CLDN16: variants seen among roughly 807,000 people sequenced by gnomAD.
CLDN16 encodes the protein claudin 16, also known as claudin-16.
Under a neutral mutation model 24.6 loss-of-function variants are expected in CLDN16, and 13 were observed. That is an observed-to-expected ratio of 0.53 (90% CI 0.34 to 0.84). The LOEUF is 0.84. CLDN16 is among the 40% of genes least tolerant of loss of function. The probability of loss-of-function intolerance (pLI) is 0.01; values close to 1 mark genes in which losing one functional copy is unlikely to be tolerated. For synonymous variants in CLDN16, 116 were observed against 106.7 expected, an observed-to-expected ratio of 1.09 and a Z score of -0.54; for missense variants, 298 against 292.7, an observed-to-expected ratio of 1.02 and a Z score of -0.13.
chr3:190,308,406 C>T, the CLDN16 span: 1 of 1,613,588 alleles, frequency 6.2e-7, no homozygotes, highest in Non-Finnish European at 8.5e-7. Flanking sequence ...AAGCAGCAGC[C>T]CAGCCAGTGA....
At chr3:190,371,410 TAC>T (rs1444442761) in intron 2 of CLDN16, among the ~76,000 whole-genome samples, 1 of 151,854 alleles carries the variant, frequency 6.6e-6, no homozygotes, top group African/African-American at 2.4e-5. Flanking sequence ...TTCCAAACCC[TAC>T]ACTTCGTAGG....
chr3:190,364,397 G>A (rs1717974156), intron 1 of CLDN16, among the ~76,000 whole-genome samples: 1 of 151,904 alleles, frequency 6.6e-6, no homozygotes, highest in African/African-American at 2.4e-5. Context: ...TATAGATCTG[G>A]CTGATCTTAT....
At chr3:190,305,846 T>C in the CLDN16 span, 1 of 152,366 alleles carries the variant, frequency 6.6e-6, no homozygotes, top group Non-Finnish European at 1.5e-5. Context: ...ATAAATTCTA[T>C]TGTAACAATT....
chr3:190,311,510 C>T, the CLDN16 span, among the ~76,000 whole-genome samples: 1 of 152,042 alleles, frequency 6.6e-6, no homozygotes, highest in Non-Finnish European at 1.5e-5. Flanking sequence ...GCAAAAGCCC[C>T]TACAAGTCTT....
At position 190,410,356 on chromosome 3, in the gene CLDN16, A is replaced by G. The variant is rs947362511; in HGVS notation, c.*320A>G. ...TATGACATAGTAATATTAAAATGAA[A>G]TGATACTTAAACAGAAAGCAATTTC... On this transcript the variant is annotated 3_prime_UTR_variant, in exon 5 of 5. Transcript: ENST00000264734. 4.3e-6 allele frequency: 1 copy of G among 232,242 alleles called. No homozygotes were observed. The highest frequency in any genetic ancestry group is 1.0e-4 in the East Asian group (1 of 9,950). 14.4% of individuals were successfully genotyped at this position (232,242 alleles called of 1,614,324 possible). A position where few individuals can be genotyped will look rare whatever the true frequency, so the allele number is the denominator to read the frequency against.
chr3:190,400,352 C>A (rs1346018893), intron 1 of CLDN16, among the ~76,000 whole-genome samples: 2 of 152,104 alleles, frequency 1.3e-5, no homozygotes, highest in African/African-American at 4.8e-5. Context: ...GATGCTCCTG[C>A]CTCCCGAGTG....
chr3:190,371,324 G>A (rs1313489031), intron 2 of CLDN16, among the ~76,000 whole-genome samples: 3 of 151,750 alleles, frequency 2.0e-5, no homozygotes, highest in Non-Finnish European at 4.4e-5. Context: ...ATATACATGA[G>A]TCATACATAT....
chr3:190,399,093 C>G (rs1334180959), intron 1 of CLDN16, among the ~76,000 whole-genome samples: 1 of 152,082 alleles, frequency 6.6e-6, no homozygotes, highest in African/African-American at 2.4e-5. Context: ...AGGTGAAGTT[C>G]GCAGAATAAT....
chr3:190,322,235 G>T (rs757845652), upstream of CLDN16: 1 of 1,603,602 alleles, frequency 6.2e-7, no homozygotes, highest in Admixed American at 1.7e-5. Context: ...CGCTGGCTCA[G>T]GGGTGGCAGG....
chr3:190,312,601 A>G, the CLDN16 span, among the ~76,000 whole-genome samples: 10 of 152,330 alleles, frequency 6.6e-5, no homozygotes, highest in South Asian at 2.1e-4. Context: ...GCGTTTGCTA[A>G]ATAGTGAACA....
At chr3:190,342,499 A>G (rs1395107884) in intron 1 of CLDN16, among the ~76,000 whole-genome samples, 3 of 152,210 alleles carry the variant, frequency 2.0e-5, no homozygotes, top group Non-Finnish European at 2.9e-5. Context: ...TTAGGAATAA[A>G]TTTAACCAAA....
At chr3:190,312,732 T>C in the CLDN16 span, 1 of 904,806 alleles carries the variant, frequency 1.1e-6, no homozygotes, top group African/African-American at 1.6e-5. Context: ...TTTGAGAACA[T>C]GAAAGTCAAC....
Position 190,410,026 on chromosome 3 carries a change from C to T in CLDN16, c.698C>T (p.Thr233Ile), listed in dbSNP as rs121908542. ...TETAKMYAVDTRV is the reference protein window; with the variant it reads ...TETAKMYAVDIRV ...ACGGCCAAAATGTATGCTGTAGACA[C>T]AAGGGTGTAAAATGCACGTTTCAGG... Residue 233 changes from threonine to isoleucine, a missense_variant, in exon 5 of 5, where the codon ACA (threonine) becomes ATA (isoleucine). Thr to Ile is a moderately conservative substitution (Grantham distance 89, BLOSUM62 -1). Coordinates refer to ENST00000264734, the MANE Select transcript of CLDN16 (RefSeq NM_006580.4). 1 of 1,613,922 alleles carries T rather than the reference C, an allele frequency of 6.2e-7. No homozygotes were observed.
At chr3:190,328,421 TAAAAG>T (rs1717115506) in intron 1 of CLDN16, among the ~76,000 whole-genome samples, 1 of 152,168 alleles carries the variant, frequency 6.6e-6, no homozygotes, top group South Asian at 2.1e-4. Context: ...TCTCCATCTG[TAAAAG>T]AAAAGAAATA....
intron 1 of CLDN16, among the ~76,000 whole-genome samples, chr3:190,329,634 G>A (rs1402755056): frequency 2.6e-5 from 4 of 152,278 alleles, no homozygotes; most frequent in Middle Eastern, 3.4e-3. Context: ...AGATTGATGA[G>A]GAAAAGTGGG....
chr3:190,326,337 A>T (rs1483265185), intron 1 of CLDN16, among the ~76,000 whole-genome samples: 2 of 152,242 alleles, frequency 1.3e-5, no homozygotes, highest in Non-Finnish European at 2.9e-5. Context: ...ATTCTGTTAC[A>T]GTCCCACTGA....
intron 1 of CLDN16, among the ~76,000 whole-genome samples, chr3:190,344,618 T>C (rs570565785): frequency 6.6e-6 from 1 of 152,152 alleles, no homozygotes; most frequent in East Asian, 1.9e-4. Context: ...GTCGACACTT[T>C]TATTTTGGCA....
upstream of CLDN16, chr3:190,388,126 T>C: frequency 6.2e-7 from 1 of 1,613,832 alleles, no homozygotes; most frequent in Non-Finnish European, 8.5e-7. Flanking sequence ...GATAATGACC[T>C]CCAGGACCCC....
upstream of CLDN16, among the ~76,000 whole-genome samples, chr3:190,321,232 C>T (rs1042142418): frequency 5.9e-5 from 9 of 152,094 alleles, no homozygotes; most frequent in South Asian, 2.1e-4. Flanking sequence ...TATTATGTTG[C>T]GCAGGTTATT....
Sources: allele counts gnomAD v4.1 joint callset (sites outside exome capture counted in the v4.1 genomes callset), GRCh38; gene constraint gnomAD v4.1.1; transcripts MANE v1.5; gene names NCBI Gene and HGNC (gene_info 2026-07-23, HGNC 2026-07-21).